The following EBF2 variants were observed in gnomAD, a reference collection of about 807,000 sequenced individuals.
The protein encoded by EBF2 is transcription factor COE2.
A neutral mutation model predicts 72.8 loss-of-function variants in EBF2; 21 were observed. The ratio of observed to expected loss-of-function variants is 0.29; its 90% confidence interval spans 0.20 to 0.42. The LOEUF (loss-of-function observed/expected upper bound fraction) is 0.42. Among genes scored for constraint, EBF2 ranks in the 10% least tolerant of loss-of-function variants. The probability of loss-of-function intolerance (pLI) is 1.00; values close to 1 mark genes in which losing one functional copy is unlikely to be tolerated. For missense variants in EBF2, 637 were observed against 731.2 expected, an observed-to-expected ratio of 0.87 and a Z score of 1.49; for synonymous variants, 299 against 274.2, an observed-to-expected ratio of 1.09 and a Z score of -0.89.
chr8:25,879,451 G>A (rs1401041521), intron 10 of EBF2, among the ~76,000 whole-genome samples: 2 of 152,114 alleles, frequency 1.3e-5, no homozygotes, highest in Non-Finnish European at 2.9e-5. Flanking sequence ...ACATCTTCAG[G>A]TGTTCTCTTA....
At chr8:25,976,842 G>A (rs1804276112) in intron 6 of EBF2, among the ~76,000 whole-genome samples, 1 of 152,084 alleles carries the variant, frequency 6.6e-6, no homozygotes, top group Non-Finnish European at 1.5e-5. Flanking sequence ...GGATAATAAA[G>A]GGTTTAAACT....
intron 6 of EBF2, among the ~76,000 whole-genome samples, chr8:26,017,399 A>G (rs1175297723): frequency 3.3e-5 from 5 of 152,110 alleles, no homozygotes; most frequent in Non-Finnish European, 5.9e-5. Flanking sequence ...TTTCCAGAGG[A>G]AGATCTCTGT....
chr8:25,860,048 C>CA (rs571225540), intron 13 of EBF2, among the ~76,000 whole-genome samples: 4,677 of 142,590 alleles, frequency 0.033, 95 homozygotes, highest in South Asian at 0.048. Context: ...TCTCCCTGGG[C>CA]AAAAAAAAAA....
chr8:25,869,098 GC>G (rs1199573966), intron 10 of EBF2, among the ~76,000 whole-genome samples: 2 of 152,052 alleles, frequency 1.3e-5, no homozygotes, highest in Admixed American at 6.6e-5. Flanking sequence ...TCCTGCAATA[GC>G]ACAACTTTTC....
intron 6 of EBF2, among the ~76,000 whole-genome samples, chr8:25,917,584 A>G (rs965154114): frequency 6.6e-6 from 1 of 152,226 alleles, no homozygotes; most frequent in Non-Finnish European, 1.5e-5. Flanking sequence ...GAATCATATT[A>G]TGGACTTCCT....
At chr8:25,865,472 T>C (rs578078365) in intron 10 of EBF2, among the ~76,000 whole-genome samples, 22 of 152,280 alleles carry the variant, frequency 1.4e-4, no homozygotes, top group African/African-American at 4.8e-4. Context: ...ATCTAGGGTC[T>C]GAATTCCAGC....
chr8:25,969,680 T>C (rs1172623663), intron 6 of EBF2, among the ~76,000 whole-genome samples: 1 of 152,216 alleles, frequency 6.6e-6, no homozygotes, highest in African/African-American at 2.4e-5. Context: ...GAGTCTCCTT[T>C]GAGGCAGGGT....
chr8:26,043,159 C>T (rs6557876), intron 1 of EBF2, among the ~76,000 whole-genome samples: 47,505 of 152,126 alleles, frequency 0.31, 8,027 homozygotes, highest in African/African-American at 0.43. Flanking sequence ...TGTGTGCACA[C>T]GCTTCCCAGC....
At chr8:26,033,594 G>A (rs1805444922) in intron 5 of EBF2, among the ~76,000 whole-genome samples, 1 of 152,164 alleles carries the variant, frequency 6.6e-6, no homozygotes, top group African/African-American at 2.4e-5. Context: ...GCCTGTCCGA[G>A]GGGTGGTGCA....
At chr8:25,852,939 G>A (rs950175628) in intron 14 of EBF2, among the ~76,000 whole-genome samples, 8 of 152,168 alleles carry the variant, frequency 5.3e-5, no homozygotes, top group African/African-American at 1.9e-4. Flanking sequence ...AATCAGCATT[G>A]TGCTAGCACA....
chr8:25,857,831 A>C (rs1450974986), intron 14 of EBF2, among the ~76,000 whole-genome samples: 6 of 152,192 alleles, frequency 3.9e-5, no homozygotes, highest in Admixed American at 3.9e-4. Context: ...AAAATAACTC[A>C]AAGTCATCAG....
At chr8:25,959,907 C>T (rs1804010379) in intron 6 of EBF2, among the ~76,000 whole-genome samples, 1 of 152,130 alleles carries the variant, frequency 6.6e-6, no homozygotes. Context: ...GTAGTATGGT[C>T]CCATTCTATG....
chr8:25,851,011 G>A (rs192984924), intron 14 of EBF2, among the ~76,000 whole-genome samples: 51 of 152,132 alleles, frequency 3.4e-4, no homozygotes, highest in African/African-American at 1.2e-3. Context: ...AGACAGCAAA[G>A]GGCACTTGTG....
chr8:25,997,692 C>T (rs1027395212), intron 6 of EBF2, among the ~76,000 whole-genome samples: 2 of 152,150 alleles, frequency 1.3e-5, no homozygotes, highest in African/African-American at 4.8e-5. Flanking sequence ...CCTGTTCTAT[C>T]ATTAACTATA....
At chr8:26,041,981 A>G in intron 2 of EBF2, 114 bp downstream of exon 2, 1 of 1,455,910 alleles carries the variant, frequency 6.9e-7, no homozygotes, top group Non-Finnish European at 9.3e-7. Flanking sequence ...GCCTCGATTT[A>G]TCATCCCTGA....
intron 6 of EBF2, among the ~76,000 whole-genome samples, chr8:25,992,050 A>G (rs974007688): frequency 4.6e-5 from 7 of 151,966 alleles, no homozygotes; most frequent in African/African-American, 1.7e-4. Context: ...TTTTGTTTTT[A>G]GACAGAGTCT....
At chr8:25,889,314 G>A (rs776726174) in intron 8 of EBF2, among the ~76,000 whole-genome samples, 1 of 152,180 alleles carries the variant, frequency 6.6e-6, no homozygotes, top group Non-Finnish European at 1.5e-5. Flanking sequence ...ACCCAGAACA[G>A]ACCATGATTT....
At chr8:25,959,359 C>A (rs373622362) in intron 6 of EBF2, among the ~76,000 whole-genome samples, 1 of 152,100 alleles carries the variant, frequency 6.6e-6, no homozygotes, top group South Asian at 2.1e-4. Context: ...CGCCCACCAC[C>A]ATGCCTGGCT....
At chr8:25,913,477 G>T (rs1030270484) in intron 6 of EBF2, among the ~76,000 whole-genome samples, 26 of 152,104 alleles carry the variant, frequency 1.7e-4, no homozygotes, top group Admixed American at 1.6e-3. Flanking sequence ...GAAGGAATGT[G>T]AACTTAGTAG....
Sources: allele counts gnomAD v4.1 joint callset (sites outside exome capture counted in the v4.1 genomes callset), GRCh38; gene constraint gnomAD v4.1.1; transcripts MANE v1.5; gene names NCBI Gene and HGNC (gene_info 2026-07-23, HGNC 2026-07-21).